The following KAZN variants were observed in gnomAD, a reference collection of about 807,000 sequenced individuals.
KAZN encodes the protein kazrin, periplakin interacting protein, also known as kazrin.
Under a neutral mutation model 87.4 loss-of-function variants are expected in KAZN, and 40 were observed. The observed-to-expected ratio is 0.46, with a 90% confidence interval of 0.36 to 0.60. The LOEUF (loss-of-function observed/expected upper bound fraction) is 0.60. Among genes scored for constraint, KAZN ranks in the 20% least tolerant of loss-of-function variants. The probability of loss-of-function intolerance (pLI) is 0.00; values close to 1 mark genes in which losing one functional copy is unlikely to be tolerated. For missense variants in KAZN, 898 were observed against 1,073.9 expected, an observed-to-expected ratio of 0.84 and a Z score of 2.29; for synonymous variants, 466 against 458.3, an observed-to-expected ratio of 1.02 and a Z score of -0.22.
chr1:14,854,996 G>T (rs71631703), intron 1 of KAZN, among the ~76,000 whole-genome samples: 1 of 152,138 alleles, frequency 6.6e-6, no homozygotes, highest in Non-Finnish European at 1.5e-5. Context: ...CCTGGCTGTG[G>T]AGGCGGGCTG....
At chr1:14,300,525 T>C (rs750459120) in intron 2 of KAZN, among the ~76,000 whole-genome samples, 1 of 152,176 alleles carries the variant, frequency 6.6e-6, no homozygotes, top group Non-Finnish European at 1.5e-5. Context: ...CATGAGCCAC[T>C]GTGCTCAGCC....
At chr1:14,421,072 G>A (rs992620524) in intron 2 of KAZN, among the ~76,000 whole-genome samples, 5 of 152,350 alleles carry the variant, frequency 3.3e-5, no homozygotes, top group Admixed American at 6.5e-5. Flanking sequence ...CTGCCAGCAC[G>A]CTGCCCTCTC....
intron 2 of KAZN, among the ~76,000 whole-genome samples, chr1:14,966,589 C>T (rs1019259233): frequency 1.3e-5 from 2 of 152,176 alleles, no homozygotes; most frequent in African/African-American, 2.4e-5. Context: ...TGTTGCAGTG[C>T]GCATCTGAAA....
chr1:14,248,141 C>T (rs1010968645), intron 2 of KAZN, among the ~76,000 whole-genome samples: 2 of 152,138 alleles, frequency 1.3e-5, no homozygotes, highest in South Asian at 2.1e-4. Context: ...TCATTAACAC[C>T]GAACATAAGC....
chr1:13,972,256 CTTTT>C (rs1287161571), intron 1 of KAZN, among the ~76,000 whole-genome samples: 1 of 149,370 alleles, frequency 6.7e-6, no homozygotes, highest in Non-Finnish European at 1.5e-5. Context: ...TGCCACCCTA[CTTTT>C]TTTCTTTTTT....
chr1:14,214,387 G>A (rs1001230909), intron 2 of KAZN, among the ~76,000 whole-genome samples: 1 of 152,152 alleles, frequency 6.6e-6, no homozygotes, highest in Non-Finnish European at 1.5e-5. Context: ...CCACAACCAT[G>A]TCTGAAATAA....
intron 8 of KAZN, among the ~76,000 whole-genome samples, chr1:15,093,230 C>G (rs1640638065): frequency 6.6e-6 from 1 of 152,072 alleles, no homozygotes; most frequent in Non-Finnish European, 1.5e-5. Flanking sequence ...GCACACACCT[C>G]AAATGCACGC....
At chr1:14,369,002 T>C (rs574125723) in intron 2 of KAZN, among the ~76,000 whole-genome samples, 1 of 152,272 alleles carries the variant, frequency 6.6e-6, no homozygotes, top group East Asian at 1.9e-4. Context: ...TTTCAAACAG[T>C]GGCTAATAGG....
chr1:14,799,859 C>T (rs192880267), intron 1 of KAZN, among the ~76,000 whole-genome samples: 1 of 152,176 alleles, frequency 6.6e-6, no homozygotes, highest in Admixed American at 6.5e-5. Context: ...TGGAGACCCC[C>T]ATCAGAATTC....
At chr1:13,929,402 T>A (rs753474573) in intron 1 of KAZN, among the ~76,000 whole-genome samples, 1 of 152,194 alleles carries the variant, frequency 6.6e-6, no homozygotes, top group African/African-American at 2.4e-5. Flanking sequence ...TTCATCTTCA[T>A]GACTGCATTC....
intron 2 of KAZN, among the ~76,000 whole-genome samples, chr1:14,505,542 CCA>C (rs959015664): frequency 6.6e-6 from 1 of 152,044 alleles, no homozygotes; most frequent in African/African-American, 2.4e-5. Context: ...CTCCATGATT[CCA>C]CTTATCTGAG....
chr1:14,362,096 G>C (rs1659568772), intron 2 of KAZN, among the ~76,000 whole-genome samples: 1 of 152,150 alleles, frequency 6.6e-6, no homozygotes, highest in Admixed American at 6.5e-5. Flanking sequence ...TAAACTTACT[G>C]ACTTATAACA....
rs77998358 is a variant in KAZN at position 14,278,926 on chromosome 1, CTTTTTTTTTTTTTT to C, written c.249+98344_249+98357del. On this transcript the variant is annotated intron_variant, in intron 2 of 16. Coordinates refer to the KAZN transcript ENST00000636203. ...GACCAAGAAGCTTCATCAAATTCAG[CTTTTTTTTTTTTTT>C]TTTTTTTTTGGCAGGCAAGACTATT... is the stretch of plus-strand genomic sequence containing the variant. Among the ~76,000 whole-genome samples, 106 of 97,752 alleles carry C rather than the reference CTTTTTTTTTTTTTT, an allele frequency of 1.1e-3. 1 individual carries two copies. Among genetic ancestry groups the C allele is most frequent in the African/African-American group, 4.2e-3 (97 of 22,866 alleles). The allele number at this position is 97,752 out of a possible 152,430, so 64.1% of individuals were successfully genotyped here. A position where few individuals can be genotyped will look rare whatever the true frequency, so the allele number is the denominator to read the frequency against.
At chr1:14,728,109 A>T (rs150240827) in intron 1 of KAZN, among the ~76,000 whole-genome samples, 1,657 of 151,662 alleles carry the variant, frequency 0.011, 49 homozygotes, top group African/African-American at 0.038. Context: ...AACACGGTGA[A>T]ACCTCGTCTC....
chr1:14,852,938 G>A (rs1413966697), intron 1 of KAZN, among the ~76,000 whole-genome samples: 1 of 152,126 alleles, frequency 6.6e-6, no homozygotes, highest in African/African-American at 2.4e-5. Context: ...AGATCCTCAG[G>A]TGATTCCTAT....
At chr1:14,781,562 T>C (rs1359373455) in intron 1 of KAZN, among the ~76,000 whole-genome samples, 1 of 152,208 alleles carries the variant, frequency 6.6e-6, no homozygotes, top group Non-Finnish European at 1.5e-5. Flanking sequence ...CAAATGAAGA[T>C]GTTGAAAACT....
At chr1:15,109,036 C>T (rs1271505342) in intron 13 of KAZN, among the ~76,000 whole-genome samples, 1 of 152,128 alleles carries the variant, frequency 6.6e-6, no homozygotes, top group Non-Finnish European at 1.5e-5. Context: ...AAGGTCACCC[C>T]GTATTCCTTT....
intron 1 of KAZN, among the ~76,000 whole-genome samples, chr1:14,054,523 T>A (rs1431887381): frequency 6.6e-6 from 1 of 152,152 alleles, no homozygotes; most frequent in African/African-American, 2.4e-5. Context: ...TCAGTAAATA[T>A]TTACTAAGGT....
At chr1:14,674,222 A>G (rs1011430925) in intron 1 of KAZN, among the ~76,000 whole-genome samples, 15 of 152,226 alleles carry the variant, frequency 9.9e-5, no homozygotes, top group Middle Eastern at 6.8e-3. Flanking sequence ...TTTTGTATCT[A>G]AATTAGGTGG....
Sources: gnomAD v4.1 joint callset for allele counts (sites outside exome capture counted in the v4.1 genomes callset) on GRCh38, gnomAD v4.1.1 for gene constraint, MANE v1.5 for transcripts, NCBI Gene and HGNC (gene_info 2026-07-23, HGNC 2026-07-21) for gene names.